SAMD4A: variants seen among roughly 807,000 people sequenced by gnomAD.
SAMD4A encodes the protein protein Smaug homolog 1.
SAMD4A carries 33 observed loss-of-function variants against 81.3 expected under a neutral mutation model. That is an observed-to-expected ratio of 0.41 (90% CI 0.31 to 0.54). The LOEUF (loss-of-function observed/expected upper bound fraction) is 0.54, where lower values mean the gene tolerates loss of function less well. Ranked by LOEUF, SAMD4A falls within the 20% of genes least tolerant of loss-of-function variation. The pLI is 0.37. For missense variants in SAMD4A, 854 were observed against 951.1 expected (o/e 0.90, Z 1.34); for synonymous variants, 389 against 382.1 (o/e 1.02, Z -0.21).
At chr14:54,755,384 A>G (rs2038211753) in intron 6 of SAMD4A, among the ~76,000 whole-genome samples, 1 of 152,162 alleles carries the variant, frequency 6.6e-6, no homozygotes, top group South Asian at 2.1e-4. Context: ...AAGGTTTGAA[A>G]GGACCAGTTG....
At chr14:54,724,035 A>AGGAAGGAAGGAG (rs2037347478) in intron 3 of SAMD4A, among the ~76,000 whole-genome samples, 1 of 151,374 alleles carries the variant, frequency 6.6e-6, no homozygotes, top group African/African-American at 2.4e-5. Flanking sequence ...GAAGGAAGGA[A>AGGAAGGAAGGAG]GGAAGGAAGG....
At position 54,611,442 on chromosome 14, in the gene SAMD4A, C is replaced by T. The variant is rs541255039; in HGVS notation, c.196+43330C>T. On this transcript the variant is annotated intron_variant, in intron 2 of 12. Transcript: ENST00000554335. ...ACTTAATCAGCCTTTACATAAAAAT[C>T]GTAGCCTAGAGAAGGCATTTGAGGA... 2.0e-5 allele frequency among the ~76,000 whole-genome samples: 3 copies of T among 152,194 alleles called. No homozygotes were observed. In the East Asian group the frequency reaches 5.8e-4, roughly 29 times the overall value.
upstream of SAMD4A, among the ~76,000 whole-genome samples, chr14:54,565,468 A>G (rs925169866): frequency 6.6e-6 from 1 of 152,176 alleles, no homozygotes; most frequent in Non-Finnish European, 1.5e-5. This position sits in a 1 kb window ranked among gnomAD's most constrained non-coding sequence, Gnocchi z 5.4. Context: ...GACCCGGGCC[A>G]GGCCCTTGGA....
intron 3 of SAMD4A, among the ~76,000 whole-genome samples, chr14:54,735,681 C>T (rs1226486000): frequency 6.6e-6 from 1 of 152,216 alleles, no homozygotes; most frequent in Admixed American, 6.5e-5. Context: ...CTGCCCCAGA[C>T]ACACTTTCTG....
At chr14:54,677,833 AGGGCAT>A (rs2036024807) in intron 2 of SAMD4A, among the ~76,000 whole-genome samples, 1 of 152,224 alleles carries the variant, frequency 6.6e-6, no homozygotes, top group South Asian at 2.1e-4. Flanking sequence ...TTTGGTTAAA[AGGGCAT>A]TTTTTTCTAT....
intron 2 of SAMD4A, chr14:54,681,998 C>T (rs1182714405): frequency 1.0e-6 from 1 of 985,236 alleles, no homozygotes; most frequent in Admixed American, 6.1e-5. Flanking sequence ...CATGCAGTAC[C>T]TGGGTCTAGG....
intron 3 of SAMD4A, among the ~76,000 whole-genome samples, chr14:54,736,330 G>A (rs2037689904): frequency 1.3e-5 from 2 of 152,302 alleles, no homozygotes; most frequent in Non-Finnish European, 2.9e-5. Context: ...GGAAGTGTTT[G>A]CAATACAAAG....
chr14:54,688,403 T>G, intron 2 of SAMD4A: 2 of 974,806 alleles, frequency 2.1e-6, no homozygotes, highest in Non-Finnish European at 2.4e-6. Flanking sequence ...GTGGGGGTGG[T>G]TTGTGAGGGT....
At chr14:54,738,737 G>A (rs1004040922) in intron 4 of SAMD4A, among the ~76,000 whole-genome samples, 3 of 152,344 alleles carry the variant, frequency 2.0e-5, no homozygotes, top group East Asian at 1.9e-4. Context: ...CAACCCTGCT[G>A]TAGGTAGACT....
intron 2 of SAMD4A, among the ~76,000 whole-genome samples, chr14:54,664,381 G>A (rs567546739): frequency 2.0e-5 from 3 of 152,288 alleles, no homozygotes; most frequent in East Asian, 3.9e-4. Flanking sequence ...AGCCGGCTGC[G>A]TTGTATAAAG....
intron 3 of SAMD4A, among the ~76,000 whole-genome samples, chr14:54,720,131 A>G (rs980199831): frequency 1.3e-5 from 2 of 152,122 alleles, no homozygotes; most frequent in African/African-American, 4.8e-5. Context: ...CAAACATACT[A>G]TGTAATTTTA....
intron 2 of SAMD4A, among the ~76,000 whole-genome samples, chr14:54,681,005 C>T (rs1312799943): frequency 4.0e-5 from 6 of 149,522 alleles, no homozygotes; most frequent in Admixed American, 1.4e-4. Flanking sequence ...TTCTAATGTC[C>T]GTCAAGGTTT....
At chr14:54,753,532 A>G (rs1420639880) in intron 6 of SAMD4A, among the ~76,000 whole-genome samples, 1 of 152,194 alleles carries the variant, frequency 6.6e-6, no homozygotes, top group Non-Finnish European at 1.5e-5. Context: ...CAATTGTTTC[A>G]AGTACAGGTC....
At chr14:54,678,692 G>A (rs576228459) in intron 2 of SAMD4A, among the ~76,000 whole-genome samples, 6 of 152,086 alleles carry the variant, frequency 3.9e-5, no homozygotes, top group East Asian at 1.9e-4. Context: ...GGGACTACAG[G>A]CGCCCGCCAT....
rs2039288079 is a variant in SAMD4A, at chr14:54,793,187, T to G, written c.*4243T>G. ...TGTTGTTACCAGTGAAACACCCTTG[T>G]GGTTTAAACTTGCTACAATGTATTT... On this transcript the variant is annotated 3_prime_UTR_variant, in exon 13 of 13. Transcript: ENST00000554335. 6.6e-6 allele frequency: 1 copy of G among 152,236 alleles called. No individual in the cohort carries two copies. Among genetic ancestry groups the G allele is most frequent in the Non-Finnish European group, 1.5e-5 (1 of 68,036 alleles). 9.4% of individuals were successfully genotyped at this position (152,236 alleles called of 1,614,324 possible).
At chr14:54,783,489 A>G (rs2039054562) in intron 11 of SAMD4A, among the ~76,000 whole-genome samples, 2 of 152,206 alleles carry the variant, frequency 1.3e-5, no homozygotes, top group Admixed American at 6.5e-5. Context: ...GAGGGGTTCC[A>G]GGTGGTAGAG....
chr14:54,706,791 G>GT (rs2036871801), intron 3 of SAMD4A, among the ~76,000 whole-genome samples: 1 of 152,176 alleles, frequency 6.6e-6, no homozygotes, highest in Non-Finnish European at 1.5e-5. Flanking sequence ...ATGGAGGACA[G>GT]TGAAGAGGAA....
intron 2 of SAMD4A, among the ~76,000 whole-genome samples, chr14:54,627,056 A>G (rs2034780724): frequency 6.6e-6 from 1 of 152,164 alleles, no homozygotes; most frequent in South Asian, 2.1e-4. Context: ...CTGTAATTCT[A>G]AGCAATTGCT....
rs568318440 is a variant in SAMD4A at position 54,792,376 on chromosome 14, G to A, written c.*3432G>A. On this transcript the variant is annotated 3_prime_UTR_variant, in exon 13 of 13. Coordinates refer to ENST00000554335, the MANE Select transcript of SAMD4A (RefSeq NM_015589.6). ...CAAGGGTTTCTTTTGAGGTGTCCTT[G>A]GCTGCCTTTTACGGGATGGGAGCCT... is the stretch of plus-strand genomic sequence containing the variant. The A allele has an allele frequency of 6.6e-6, 1 of 152,328 alleles. No homozygotes were observed. Among genetic ancestry groups the A allele is most frequent in the African/African-American group, 2.4e-5 (1 of 41,554 alleles). 9.4% of individuals were successfully genotyped at this position (152,328 alleles called of 1,614,324 possible).
Sources: gnomAD v4.1 joint callset for allele counts (sites outside exome capture counted in the v4.1 genomes callset) on GRCh38, gnomAD v4.1.1 for gene constraint, Gnocchi (gnomAD v3.1) non-coding constraint, MANE v1.5 for transcripts, NCBI Gene and HGNC (gene_info 2026-07-23, HGNC 2026-07-21) for gene names.